The following CAMK2B variants were observed in gnomAD, a reference collection of about 807,000 sequenced individuals.
The protein encoded by CAMK2B is calcium/calmodulin-dependent protein kinase type II subunit beta.
Under a neutral mutation model 93.7 loss-of-function variants are expected in CAMK2B, and 27 were observed. The observed-to-expected ratio is 0.29, with a 90% CI of 0.21 to 0.40. The LOEUF (loss-of-function observed/expected upper bound fraction) is 0.40. Among genes scored for constraint, CAMK2B ranks in the 10% least tolerant of loss-of-function variants. The pLI is 1.00. For missense variants in CAMK2B, 568 were observed against 895.8 expected, an observed-to-expected ratio of 0.63 and a Z score of 4.67; for synonymous variants, 374 against 358.8, an observed-to-expected ratio of 1.04 and a Z score of -0.48.
At position 44,217,792 on chromosome 7, in the gene CAMK2B, G is replaced by C. The variant is rs894429564; in HGVS notation, c.*1733C>G. 2 of 152,190 alleles carry C rather than the reference G, an allele frequency of 1.3e-5. No individual in the cohort carries two copies. The highest frequency in any genetic ancestry group is 1.3e-4 in the Admixed American group (2 of 15,284). The allele number at this position is 152,190 out of a possible 1,614,324, so 9.4% of individuals were successfully genotyped here. A position where few individuals can be genotyped will look rare whatever the true frequency, so the allele number is the denominator to read the frequency against. On this transcript the variant is annotated 3_prime_UTR_variant, in exon 24 of 24. Transcript: ENST00000395749. The stretch of plus-strand genomic sequence containing the variant: ...TTGTTGAAAACAATGTGAATTGAAA[G>C]TGGGCAGGCACTGGGGCAGGAGCCC...
At chr7:44,226,410 C>T (rs1405178292) in intron 20 of CAMK2B, 106 bp downstream of exon 20, 52 of 936,280 alleles carry the variant, frequency 5.6e-5, no homozygotes, top group Admixed American at 5.0e-4. Context: ...TCCTGTGCCC[C>T]GCCCTCCTCC....
chr7:44,290,605 T>C (rs1786519119), intron 1 of CAMK2B, among the ~76,000 whole-genome samples: 1 of 152,230 alleles, frequency 6.6e-6, no homozygotes, highest in Non-Finnish European at 1.5e-5. Flanking sequence ...TGTGTTTTTC[T>C]TGTGTGGGTG....
intron 2 of CAMK2B, among the ~76,000 whole-genome samples, chr7:44,282,402 G>A (rs2097109243): frequency 6.6e-6 from 1 of 152,246 alleles, no homozygotes; most frequent in Non-Finnish European, 1.5e-5. Context: ...CCCGCAATGT[G>A]TGGAGAATGG....
At chr7:44,289,626 G>A (rs892036977) in intron 1 of CAMK2B, among the ~76,000 whole-genome samples, 2 of 152,198 alleles carry the variant, frequency 1.3e-5, no homozygotes, top group Admixed American at 6.5e-5. Context: ...TCAGTAAGGG[G>A]GCAGTGATTG....
intron 9 of CAMK2B, 102 bp from the exon 10 acceptor site, chr7:44,242,442 C>A: frequency 6.5e-7 from 1 of 1,532,902 alleles, no homozygotes; most frequent in Non-Finnish European, 8.9e-7. Context: ...TCTGGGAGAG[C>A]AGGACCCAGG....
intron 4 of CAMK2B, among the ~76,000 whole-genome samples, chr7:44,256,178 C>A (rs2096831809): frequency 6.6e-6 from 1 of 152,368 alleles, no homozygotes. Context: ...TCAACCACCA[C>A]ACCGACCACA....
chr7:44,277,243 C>G (rs1235334792), intron 2 of CAMK2B, among the ~76,000 whole-genome samples: 2 of 152,146 alleles, frequency 1.3e-5, no homozygotes. Context: ...GATCTCTTTA[C>G]CCCCGTCAAT....
At chr7:44,239,779 GT>G in intron 12 of CAMK2B, 116 bp from the exon 13 acceptor site, 1 of 732,226 alleles carries the variant, frequency 1.4e-6, no homozygotes, top group Non-Finnish European at 2.3e-6. Flanking sequence ...TAGAGTTAAA[GT>G]TTAGGTGACA....
chr7:44,237,234 C>T (rs541054440), intron 13 of CAMK2B, among the ~76,000 whole-genome samples: 2 of 152,358 alleles, frequency 1.3e-5, no homozygotes, highest in African/African-American at 2.4e-5. Context: ...GCAGAGACCC[C>T]GGACAGTCCT....
chr7:44,286,368 A>C lies in CAMK2B; in HGVS notation c.66-2143T>G, dbSNP rs1286011397. On this transcript the variant is annotated intron_variant, in intron 1 of 23. Transcript: ENST00000395749. This position sits in a 1 kb window ranked among gnomAD's most constrained non-coding sequence, Gnocchi z 4.0. ...GGCCTCCGTGCGCCAGAACGCAACC[A>C]CACACTGCAGGGTTGACCCTCAGTA... Among the ~76,000 whole-genome samples the C allele has an allele frequency of 6.6e-6, 1 of 152,156 alleles. No individual in the cohort carries two copies. The highest frequency in any genetic ancestry group is 1.5e-5 in the Non-Finnish European group (1 of 68,022).
chr7:44,237,866 C>A (rs1012161578), intron 13 of CAMK2B, among the ~76,000 whole-genome samples: 1 of 152,204 alleles, frequency 6.6e-6, no homozygotes, highest in African/African-American at 2.4e-5. Context: ...CTGCCCATTC[C>A]CGGGTCTCCA....
At chr7:44,270,150 G>A (rs1296129318) in intron 2 of CAMK2B, among the ~76,000 whole-genome samples, 1 of 151,890 alleles carries the variant, frequency 6.6e-6, no homozygotes, top group Non-Finnish European at 1.5e-5. Context: ...ATCACTGGGG[G>A]CCCCCCACTA....
intron 12 of CAMK2B, among the ~76,000 whole-genome samples, chr7:44,240,254 G>A (rs890633440): frequency 5.9e-5 from 9 of 152,072 alleles, no homozygotes; most frequent in African/African-American, 1.2e-4. Flanking sequence ...CTGAGCAGCC[G>A]GGACAGGAGG....
At chr7:44,306,773 G>A (rs563319297) in intron 1 of CAMK2B, among the ~76,000 whole-genome samples, 2 of 148,846 alleles carry the variant, frequency 1.3e-5, no homozygotes, top group Non-Finnish European at 3.0e-5. Flanking sequence ...AGGAGGATGC[G>A]AGCAGGGGAG....
chr7:44,280,788 G>A (rs1318846189), intron 2 of CAMK2B, among the ~76,000 whole-genome samples: 1 of 152,102 alleles, frequency 6.6e-6, no homozygotes, highest in Non-Finnish European at 1.5e-5. Context: ...ACACACCCCA[G>A]AACATCACCC....
chr7:44,282,249 A>G (rs1191643737), intron 2 of CAMK2B, among the ~76,000 whole-genome samples: 1 of 152,178 alleles, frequency 6.6e-6, no homozygotes, highest in African/African-American at 2.4e-5. Flanking sequence ...ATCAAGAAAA[A>G]ACAAGCTGAC....
chr7:44,303,303 C>A (rs182963357), intron 1 of CAMK2B, among the ~76,000 whole-genome samples: 167 of 152,208 alleles, frequency 1.1e-3, no homozygotes, highest in Admixed American at 2.7e-3. Flanking sequence ...TAGGAAGATG[C>A]AATATTGTCC....
chr7:44,268,767 G>A (rs1389876460), intron 2 of CAMK2B: 1 of 152,294 alleles, frequency 6.6e-6, no homozygotes, highest in Non-Finnish European at 1.5e-5. Context: ...CCACCACCAT[G>A]AAGGTGACAG....
chr7:44,240,683 T>A lies in CAMK2B; in HGVS notation c.946+24A>T, dbSNP rs780366015. Reference sequence around the variant, plus strand: ...GCCAGCAGGGAGGGGGCAGCGCCTGTCTCCCTGGAGAAGAAAGGCTCACCT... The same window carrying A: ...GCCAGCAGGGAGGGGGCAGCGCCTGACTCCCTGGAGAAGAAAGGCTCACCT... On this transcript the variant is annotated intron_variant, in intron 12 of 23. Transcript: ENST00000395749. The A allele has an allele frequency of 3.7e-6, 6 of 1,612,918 alleles. No individual in the cohort carries two copies. The African/African-American group carries it at 4.0e-5, about 11-fold the overall frequency.
Sources: allele counts gnomAD v4.1 joint callset (sites outside exome capture counted in the v4.1 genomes callset), GRCh38; gene constraint gnomAD v4.1.1; non-coding constraint Gnocchi (gnomAD v3.1); transcripts MANE v1.5; gene names NCBI Gene and HGNC (gene_info 2026-07-23, HGNC 2026-07-21).